Variants in LRP1B observed in about 807,000 individuals in gnomAD.
LRP1B encodes the protein low-density lipoprotein receptor-related protein 1B.
In LRP1B, 217 loss-of-function variants were observed where a neutral mutation model predicts 556.6. The ratio of observed to expected loss-of-function variants is 0.39; its 90% confidence interval spans 0.35 to 0.44. LRP1B has a LOEUF of 0.44. Among genes scored for constraint, LRP1B ranks in the 20% least tolerant of loss-of-function variants. The probability of loss-of-function intolerance (pLI) is 1.00; values close to 1 mark genes in which losing one functional copy is unlikely to be tolerated. For synonymous variants in LRP1B, 2,047 were observed against 1,865.8 expected, an observed-to-expected ratio of 1.10 and a Z score of -2.50; for missense variants, 5,053 against 5,620.8, an observed-to-expected ratio of 0.90 and a Z score of 3.23.
Position 141,114,889 on chromosome 2 carries a change from AT to A in LRP1B, c.1014-52617del, listed in dbSNP as rs34931613. Among the ~76,000 whole-genome samples the A allele has an allele frequency of 2.6e-4, 40 of 151,500 alleles. No individual in the cohort carries two copies. The East Asian group carries it at 3.3e-3, about 13-fold the overall frequency. On this transcript the variant is annotated intron_variant, in intron 7 of 90. Coordinates refer to ENST00000389484, the MANE Select transcript of LRP1B (RefSeq NM_018557.3). ...CAGGCATACTAATGCAAAAAAAAAA[AT>A]TTATTTTTAAATCAGGGGCATGCCA...
chr2:141,129,311 TCTTGAGA>T (rs1701292365), intron 7 of LRP1B, among the ~76,000 whole-genome samples: 1 of 152,150 alleles, frequency 6.6e-6, no homozygotes, highest in Non-Finnish European at 1.5e-5. Flanking sequence ...TGCACTAGCC[TCTTGAGA>T]CTTAAAAGGG....
At chr2:141,817,718 T>C (rs561849553) in intron 1 of LRP1B, among the ~76,000 whole-genome samples, 1 of 152,246 alleles carries the variant, frequency 6.6e-6, no homozygotes, top group African/African-American at 2.4e-5. Context: ...TATTTTACCA[T>C]GATTAATTTA....
intron 7 of LRP1B, among the ~76,000 whole-genome samples, chr2:141,105,011 T>G (rs1371940159): frequency 2.6e-5 from 4 of 151,952 alleles, no homozygotes. Context: ...TTCATAAGGC[T>G]CTTATAATAA....
chr2:140,536,481 A>G (rs16844178), intron 46 of LRP1B, 100 bp downstream of exon 46: 26,771 of 1,170,232 alleles, frequency 0.023, 373 homozygotes, highest in Middle Eastern at 0.045. Context: ...GAGACATTAA[A>G]TAAATTATCC....
At chr2:141,224,193 GAACA>G (rs527579670) in intron 6 of LRP1B, among the ~76,000 whole-genome samples, 59 of 151,902 alleles carry the variant, frequency 3.9e-4, no homozygotes, top group Middle Eastern at 3.4e-3. Flanking sequence ...CAAAGGACAT[GAACA>G]AACACCTCAA....
At chr2:140,858,517 A>T (rs1438157438) in intron 27 of LRP1B, among the ~76,000 whole-genome samples, 1 of 150,146 alleles carries the variant, frequency 6.7e-6, no homozygotes, top group Non-Finnish European at 1.5e-5. Flanking sequence ...AGAGAGAGAG[A>T]GAGAGAGAGA....
rs1686993432 is a variant in LRP1B, at chr2:141,582,781, T to G, written c.206-102248A>C. Among the ~76,000 whole-genome samples, 4 of 151,550 alleles carry G rather than the reference T, an allele frequency of 2.6e-5. No individual in the cohort carries two copies. In the South Asian group the frequency reaches 6.2e-4, roughly 24 times the overall value. ...CATTTTAAAAAAATTAGTTTGAGGA[T>G]TCTGACCAAAAGCAATACCTGAAAT... is the stretch of plus-strand genomic sequence containing the variant. On this transcript the variant is annotated intron_variant, in intron 2 of 90. Coordinates refer to ENST00000389484, the MANE Select transcript of LRP1B (RefSeq NM_018557.3).
chr2:140,854,810 A>G (rs1375810552), intron 27 of LRP1B, among the ~76,000 whole-genome samples: 1 of 152,206 alleles, frequency 6.6e-6, no homozygotes. Flanking sequence ...TTATAATTAG[A>G]TAGTAAGTAG....
At chr2:140,686,336 T>G (rs1686052274) in intron 41 of LRP1B, among the ~76,000 whole-genome samples, 2 of 151,922 alleles carry the variant, frequency 1.3e-5, no homozygotes, top group South Asian at 2.1e-4. Flanking sequence ...TATAGAAAAC[T>G]CCAGAAACTC....
chr2:141,671,143 T>C (rs1690651465), intron 2 of LRP1B, among the ~76,000 whole-genome samples: 1 of 152,148 alleles, frequency 6.6e-6, no homozygotes, highest in African/African-American at 2.4e-5. Context: ...ATTAGTGAGG[T>C]AAGGATTTCA....
At chr2:141,590,224 G>A (rs1687287825) in intron 2 of LRP1B, among the ~76,000 whole-genome samples, 1 of 152,130 alleles carries the variant, frequency 6.6e-6, no homozygotes, top group African/African-American at 2.4e-5. Context: ...ATAATGAGTT[G>A]TTCTTTCTTT....
intron 2 of LRP1B, among the ~76,000 whole-genome samples, chr2:141,643,950 C>A (rs1689444289): frequency 6.6e-6 from 1 of 151,220 alleles, no homozygotes; most frequent in Admixed American, 6.6e-5. Flanking sequence ...TATATTTTTC[C>A]CCAGAAAAAC....
intron 41 of LRP1B, among the ~76,000 whole-genome samples, chr2:140,646,422 C>G (rs1684487821): frequency 6.6e-6 from 1 of 152,114 alleles, no homozygotes; most frequent in Admixed American, 6.6e-5. Context: ...TCATGTTGTA[C>G]TAGGTACTAT....
chr2:142,027,582 T>C (rs897571872), intron 1 of LRP1B, among the ~76,000 whole-genome samples: 1 of 151,826 alleles, frequency 6.6e-6, no homozygotes, highest in African/African-American at 2.4e-5. Context: ...GGCCCTGTTC[T>C]AACTTCCTCA....
At chr2:140,800,347 C>T (rs774847945) in intron 32 of LRP1B, among the ~76,000 whole-genome samples, 26 of 151,876 alleles carry the variant, frequency 1.7e-4, no homozygotes, top group Admixed American at 3.3e-4. Flanking sequence ...TGTATATATA[C>T]GTAACAAGCC....
chr2:141,420,872 C>T (rs747918295), intron 3 of LRP1B, among the ~76,000 whole-genome samples: 1 of 152,176 alleles, frequency 6.6e-6, no homozygotes, highest in Admixed American at 6.5e-5. Context: ...CTCAGGTAGT[C>T]CTCAGAAAAA....
At chr2:140,674,807 C>G (rs17287003) in intron 41 of LRP1B, among the ~76,000 whole-genome samples, 4,665 of 152,300 alleles carry the variant, frequency 0.031, 215 homozygotes, top group African/African-American at 0.096. Flanking sequence ...TGACTCTTTT[C>G]GTAGACATTT....
intron 77 of LRP1B, among the ~76,000 whole-genome samples, chr2:140,343,227 A>G (rs574944991): frequency 6.6e-6 from 1 of 151,792 alleles, no homozygotes; most frequent in African/African-American, 2.4e-5. Context: ...AACAATTGGC[A>G]AAAGTTTATT....
intron 2 of LRP1B, among the ~76,000 whole-genome samples, chr2:141,561,350 A>G (rs1416920605): frequency 6.6e-6 from 1 of 151,860 alleles, no homozygotes; most frequent in Admixed American, 6.6e-5. Context: ...GATTAATATT[A>G]CAGAGAAAGG....
Sources: gnomAD v4.1 joint callset for allele counts (sites outside exome capture counted in the v4.1 genomes callset) on GRCh38, gnomAD v4.1.1 for gene constraint, MANE v1.5 for transcripts, NCBI Gene and HGNC (gene_info 2026-07-23, HGNC 2026-07-21) for gene names.